The following TAFA1 variants were observed in gnomAD, a reference collection of about 807,000 sequenced individuals.
The protein encoded by TAFA1 is chemokine-like protein TAFA-1.
A neutral mutation model predicts 18.5 loss-of-function variants in TAFA1; 4 were observed. The ratio of observed to expected loss-of-function variants is 0.22; its 90% CI spans 0.11 to 0.49. TAFA1 has a LOEUF of 0.49. Among genes scored for constraint, TAFA1 ranks in the 20% least tolerant of loss-of-function variants. The probability of loss-of-function intolerance (pLI) is 0.98; values close to 1 mark genes in which losing one functional copy is unlikely to be tolerated. For synonymous variants in TAFA1, 56 were observed against 55.2 expected (o/e 1.01, Z -0.06); for missense variants, 147 against 169.0 (o/e 0.87, Z 0.72).
chr3:68,088,595 T>C (rs566043000), intron 2 of TAFA1, among the ~76,000 whole-genome samples: 4 of 152,204 alleles, frequency 2.6e-5, no homozygotes, highest in Non-Finnish European at 5.9e-5. Context: ...GCGTTTTTCA[T>C]TGTTTTTACT....
At chr3:68,150,140 T>A (rs1432049793) in intron 2 of TAFA1, among the ~76,000 whole-genome samples, 2 of 152,234 alleles carry the variant, frequency 1.3e-5, no homozygotes, top group Non-Finnish European at 2.9e-5. Flanking sequence ...AATTTGCTGC[T>A]GCAGTTTTGT....
intron 2 of TAFA1, among the ~76,000 whole-genome samples, chr3:68,414,952 C>T (rs955757010): frequency 6.6e-6 from 1 of 152,182 alleles, no homozygotes; most frequent in East Asian, 1.9e-4. Flanking sequence ...AAGTGTCGAA[C>T]TAGCTGTTAC....
chr3:68,248,814 G>C (rs2067136353), intron 2 of TAFA1, among the ~76,000 whole-genome samples: 1 of 151,966 alleles, frequency 6.6e-6, no homozygotes, highest in Non-Finnish European at 1.5e-5. Context: ...AGGGTGTTAA[G>C]TAAAAATGCT....
intron 2 of TAFA1, among the ~76,000 whole-genome samples, chr3:68,227,134 T>C (rs2066811089): frequency 6.6e-6 from 1 of 150,596 alleles, no homozygotes. Flanking sequence ...CTTAAACATC[T>C]CAAAATGTCT....
At chr3:68,421,752 C>T (rs952807167) in intron 3 of TAFA1, among the ~76,000 whole-genome samples, 1 of 152,024 alleles carries the variant, frequency 6.6e-6, no homozygotes, top group Non-Finnish European at 1.5e-5. Context: ...CAATGTCTGA[C>T]TCCCTTCAGA....
At chr3:68,242,139 G>C (rs1477150017) in intron 2 of TAFA1, among the ~76,000 whole-genome samples, 3 of 152,140 alleles carry the variant, frequency 2.0e-5, no homozygotes, top group Non-Finnish European at 2.9e-5. Flanking sequence ...GAGCTGGTAA[G>C]AGCTTTTTGT....
At chr3:68,057,071 A>C (rs915547528) in intron 2 of TAFA1, among the ~76,000 whole-genome samples, 1 of 152,178 alleles carries the variant, frequency 6.6e-6, no homozygotes, top group Non-Finnish European at 1.5e-5. Flanking sequence ...CACACGTTTT[A>C]GGTTCCTCTG....
chr3:67,991,661 G>A, the TAFA1 span, among the ~76,000 whole-genome samples: 4 of 152,180 alleles, frequency 2.6e-5, no homozygotes, highest in East Asian at 5.8e-4. Flanking sequence ...TGGGTTCTTA[G>A]GCCTTTGGCC....
chr3:68,149,832 G>A (rs970368858), intron 2 of TAFA1, among the ~76,000 whole-genome samples: 1 of 152,174 alleles, frequency 6.6e-6, no homozygotes, highest in African/African-American at 2.4e-5. Context: ...GACCTAGCAC[G>A]TGTGTTTCTA....
At chr3:68,519,242 G>A (rs1330135578) in intron 3 of TAFA1, among the ~76,000 whole-genome samples, 1 of 152,196 alleles carries the variant, frequency 6.6e-6, no homozygotes, top group African/African-American at 2.4e-5. Flanking sequence ...AGAGACTCCA[G>A]TGAACTACTT....
At chr3:68,048,871 A>C (rs937130813) in intron 2 of TAFA1, among the ~76,000 whole-genome samples, 3 of 152,160 alleles carry the variant, frequency 2.0e-5, no homozygotes, top group African/African-American at 7.2e-5. Context: ...GTTGATGTAC[A>C]CTGAGGTTTC....
chr3:68,061,802 T>A (rs1184632677), intron 2 of TAFA1, among the ~76,000 whole-genome samples: 1 of 152,144 alleles, frequency 6.6e-6, no homozygotes, highest in East Asian at 1.9e-4. Flanking sequence ...GAGGATGAGG[T>A]CATCTTTCTC....
chr3:68,341,929 G>A (rs1267138144), intron 2 of TAFA1, among the ~76,000 whole-genome samples: 1 of 152,208 alleles, frequency 6.6e-6, no homozygotes, highest in Non-Finnish European at 1.5e-5. Flanking sequence ...AAAAGGCCTT[G>A]AGTACCAAGG....
intron 3 of TAFA1, among the ~76,000 whole-genome samples, chr3:68,486,223 G>A (rs1462717986): frequency 1.3e-5 from 2 of 151,706 alleles, no homozygotes; most frequent in African/African-American, 4.8e-5. Context: ...GCCTCCCAAA[G>A]TGCTGAGATT....
At chr3:68,129,305 A>G (rs922150321) in intron 2 of TAFA1, among the ~76,000 whole-genome samples, 1 of 152,180 alleles carries the variant, frequency 6.6e-6, no homozygotes, top group Non-Finnish European at 1.5e-5. Context: ...AAGCCACACA[A>G]GTTGAAGGAA....
At chr3:68,281,710 G>T (rs930701312) in intron 2 of TAFA1, among the ~76,000 whole-genome samples, 1 of 151,872 alleles carries the variant, frequency 6.6e-6, no homozygotes, top group African/African-American at 2.4e-5. Context: ...CACCTGCCTC[G>T]GTCTCCCAAA....
intron 2 of TAFA1, among the ~76,000 whole-genome samples, chr3:68,168,602 A>G (rs1485476194): frequency 6.6e-6 from 1 of 152,190 alleles, no homozygotes; most frequent in Non-Finnish European, 1.5e-5. Flanking sequence ...GCAAATTATA[A>G]TTGTGATGAA....
chr3:68,454,596 A>G (rs561149615), intron 3 of TAFA1, among the ~76,000 whole-genome samples: 1 of 152,316 alleles, frequency 6.6e-6, no homozygotes, highest in Admixed American at 6.5e-5. Context: ...TGTAAGGACC[A>G]GTTCTTCCAT....
chr3:68,531,019 C>CAAAACAA (rs753155495), intron 3 of TAFA1, among the ~76,000 whole-genome samples: 6 of 147,628 alleles, frequency 4.1e-5, no homozygotes, highest in Non-Finnish European at 8.9e-5. Flanking sequence ...ACAACAACAA[C>CAAAACAA]AAAACAAAAC....
Sources: allele counts gnomAD v4.1 joint callset (sites outside exome capture counted in the v4.1 genomes callset), GRCh38; gene constraint gnomAD v4.1.1; transcripts MANE v1.5; gene names NCBI Gene and HGNC (gene_info 2026-07-23, HGNC 2026-07-21).